Variants in UHMK1 observed in about 807,000 individuals in gnomAD.
UHMK1 encodes the protein U2AF homology motif kinase 1, also known as serine/threonine-protein kinase Kist.
In UHMK1, 18 loss-of-function variants were observed where a neutral mutation model predicts 44.0. The ratio of observed to expected loss-of-function variants is 0.41; its 90% CI spans 0.28 to 0.61. UHMK1 has a LOEUF of 0.61. Among genes scored for constraint, UHMK1 ranks in the 20% least tolerant of loss-of-function variants. The pLI is 0.31. For missense variants in UHMK1, 463 were observed against 522.5 expected, an observed-to-expected ratio of 0.89 and a Z score of 1.11; for synonymous variants, 231 against 198.5, an observed-to-expected ratio of 1.16 and a Z score of -1.38.
chr1:162,522,738 C>G lies in UHMK1; in HGVS notation c.*188C>G. The stretch of plus-strand genomic sequence containing the variant: ...CATTTGGCACTGAGTAGGACAAGAC[C>G]TCTCAGCTATACATTGAGGGGTTTT... On this transcript the variant is annotated 3_prime_UTR_variant, in exon 8 of 8. Transcript: ENST00000489294. 1 of 603,090 alleles carries G rather than the reference C, an allele frequency of 1.7e-6. No homozygotes were observed. The highest frequency in any genetic ancestry group is 2.7e-6 in the Non-Finnish European group (1 of 364,580). The allele number at this position is 603,090 out of a possible 1,614,324, so 37.4% of individuals were successfully genotyped here.
chr1:162,519,480 A>G (rs1344591415), intron 7 of UHMK1, among the ~76,000 whole-genome samples: 1 of 152,092 alleles, frequency 6.6e-6, no homozygotes, highest in East Asian at 1.9e-4. Flanking sequence ...TAAAGAAGGA[A>G]AGTGTGCTGG....
At chr1:162,502,786 A>G (rs893483444) in intron 3 of UHMK1, among the ~76,000 whole-genome samples, 1 of 152,206 alleles carries the variant, frequency 6.6e-6, no homozygotes, top group Non-Finnish European at 1.5e-5. Flanking sequence ...CAAAGCTCTT[A>G]CTAAGTTATT....
At chr1:162,512,633 C>T (rs1571013369) in intron 5 of UHMK1, 57 bp downstream of exon 5, 2 of 1,600,260 alleles carry the variant, frequency 1.2e-6, no homozygotes, top group East Asian at 4.5e-5. Flanking sequence ...TACAAGACAT[C>T]AGCACTAATT....
At position 162,500,078 on chromosome 1, in the gene UHMK1, C is replaced by G. The variant is rs778270680; in HGVS notation, c.392C>G (p.Ser131Cys). 6.2e-7 allele frequency: 1 copy of G among 1,614,138 alleles called. No homozygotes were observed. Among genetic ancestry groups the G allele is most frequent in the Non-Finnish European group, 8.5e-7 (1 of 1,180,032 alleles). Residue 131 changes from serine to cysteine, a missense_variant, in exon 2 of 8, where the codon TCC (serine) becomes TGC (cysteine). Physicochemically the swap from Ser to Cys is moderately radical, Grantham distance 112. Coordinates refer to ENST00000489294, the MANE Select transcript of UHMK1 (RefSeq NM_175866.5). ...TTATATTCCAGTCACCAGGGTTGTTCCATGTGGATGATACAGCATTGTGCC... is the reference window on the plus strand; with the variant it reads ...TTATATTCCAGTCACCAGGGTTGTTGCATGTGGATGATACAGCATTGTGCC... ...LLLYSSHQGC[S>C]MWMIQHCARD...
chr1:162,528,760 CTTAA>C lies in UHMK1; in HGVS notation c.*6213_*6216del, dbSNP rs773740396. 4.6e-5 allele frequency: 7 copies of C among 152,104 alleles called. No individual in the cohort carries two copies. The highest frequency in any genetic ancestry group is 1.9e-4 in the East Asian group (1 of 5,202). 9.4% of individuals were successfully genotyped at this position (152,104 alleles called of 1,614,324 possible). A position where few individuals can be genotyped will look rare whatever the true frequency, so the allele number is the denominator to read the frequency against. On this transcript the variant is annotated 3_prime_UTR_variant, in exon 8 of 8. Transcript: ENST00000489294. ...TTCCAGCAGAATTTACTCTTCCATTCTTAATTCTTTTTTGAAATATCTTAAATAA... is the reference window on the plus strand; with the variant it reads ...TTCCAGCAGAATTTACTCTTCCATTCTTCTTTTTTGAAATATCTTAAATAA...
At chr1:162,521,943 T>C (rs149245304) in intron 7 of UHMK1, among the ~76,000 whole-genome samples, 391 of 152,316 alleles carry the variant, frequency 2.6e-3, no homozygotes, top group African/African-American at 8.8e-3. Context: ...TACTTCCTAA[T>C]AGGTGCAATT....
chr1:162,497,506 C>G (rs140005554), upstream of UHMK1, among the ~76,000 whole-genome samples: 1,230 of 152,218 alleles, frequency 8.1e-3, 30 homozygotes, highest in African/African-American at 0.028. Flanking sequence ...GGTAAACTCT[C>G]TTTTTGTTCC....
chr1:162,513,995 A>G (rs1651753334), intron 6 of UHMK1, among the ~76,000 whole-genome samples: 1 of 152,226 alleles, frequency 6.6e-6, no homozygotes, highest in South Asian at 2.1e-4. Context: ...TAGTAGGGAC[A>G]TTTTGGAAAC....
In UHMK1 at chr1:162,498,008, G is replaced by C; in HGVS notation, c.8G>C (p.Gly3Ala). The C allele has an allele frequency of 6.3e-7, 1 of 1,584,086 alleles. No individual in the cohort carries two copies. The highest frequency in any genetic ancestry group is 8.6e-7 in the Non-Finnish European group (1 of 1,163,306). Reference sequence around the variant, plus strand: ...TGCCCTTAACCCACACCGATGGCGGGATCCGGCTGCGCCTGGGGCGCGGAG... The same window carrying C: ...TGCCCTTAACCCACACCGATGGCGGCATCCGGCTGCGCCTGGGGCGCGGAG... MA[G>A]SGCAWGAEPP... The change falls in exon 1 of 8, where the codon GGA becomes GCA. Residue 3 changes from glycine to alanine, a missense_variant. Physicochemically the swap from Gly to Ala is moderately conservative, Grantham distance 60. Coordinates refer to ENST00000489294, the MANE Select transcript of UHMK1 (RefSeq NM_175866.5).
In UHMK1 at chr1:162,498,156, C is replaced by T; in HGVS notation, c.156C>T (p.Ala52=). The change falls in exon 1 of 8, where the codon GCC becomes GCT. Residue 52 remains alanine, a synonymous_variant. Coordinates refer to ENST00000489294, the MANE Select transcript of UHMK1 (RefSeq NM_175866.5). ...GCAACCCTGGCTCGCCCCCCGGCGC[C>T]CTCAAGCAGTTCTTGCCGCCAGGAA... ...CCGNPGSPPG[A]LKQFLPPGTT... 1 of 1,613,116 alleles carries T rather than the reference C, an allele frequency of 6.2e-7. No individual in the cohort carries two copies. The highest frequency in any genetic ancestry group is 8.5e-7 in the Non-Finnish European group (1 of 1,179,734).
intron 6 of UHMK1, among the ~76,000 whole-genome samples, chr1:162,517,562 C>G (rs946515200): frequency 1.3e-5 from 2 of 151,918 alleles, no homozygotes; most frequent in Non-Finnish European, 2.9e-5. Flanking sequence ...TTCATATTTG[C>G]TTGTATATAA....
In UHMK1 at chr1:162,500,962, T is replaced by G. The variant is rs1177532573; in HGVS notation, c.611T>G (p.Leu204Trp). 1 of 1,614,136 alleles carries G rather than the reference T, an allele frequency of 6.2e-7. No individual in the cohort carries two copies. Residue 204 changes from leucine (L) to tryptophan (W), a missense_variant, in exon 3 of 8, where the codon TTG becomes TGG. Transcript: ENST00000489294. ...TDGYRAPEAELQNCLAQAGLQ... is the reference protein window; with the variant it reads ...TDGYRAPEAEWQNCLAQAGLQ... ...GGGTATCGGGCTCCAGAAGCAGAATTGCAAAATTGCTTGGCCCAGGCTGGC... is the reference window on the plus strand; with the variant it reads ...GGGTATCGGGCTCCAGAAGCAGAATGGCAAAATTGCTTGGCCCAGGCTGGC...
At chr1:162,516,856 C>G (rs1385139067) in intron 6 of UHMK1, among the ~76,000 whole-genome samples, 1 of 152,152 alleles carries the variant, frequency 6.6e-6, no homozygotes, top group African/African-American at 2.4e-5. Context: ...TTTGATTATC[C>G]TCTTGTGGGT....
Position 162,497,942 on chromosome 1 carries a change from C to G in UHMK1, c.-59C>G. ...GCTGGCGGAGATGTGACCGCGGGCC[C>G]GGCCGGCCTGCCTCAGGCGTCGCGT... On this transcript the variant is annotated 5_prime_UTR_variant, in exon 1 of 8. Coordinates refer to ENST00000489294, the MANE Select transcript of UHMK1 (RefSeq NM_175866.5). 7.0e-7 allele frequency: 1 copy of G among 1,436,028 alleles called. No homozygotes were observed. Among genetic ancestry groups the G allele is most frequent in the Non-Finnish European group, 9.1e-7 (1 of 1,096,542 alleles). The allele number at this position is 1,436,028 out of a possible 1,614,324, so 89.0% of individuals were successfully genotyped here.
intron 6 of UHMK1, among the ~76,000 whole-genome samples, chr1:162,513,822 A>G (rs1651747566): frequency 6.6e-6 from 1 of 152,212 alleles, no homozygotes; most frequent in Non-Finnish European, 1.5e-5. Context: ...TATCCGAGAG[A>G]TAGTAACACC....
In UHMK1 at chr1:162,497,863, T is replaced by C; in HGVS notation, c.-138T>C. ...CTTCCGGTGTCATGGCTGCTTGAAG[T>C]CCCGGGAGTCGGTGAGGCGGCTGCA... On this transcript the variant is annotated 5_prime_UTR_variant, in exon 1 of 8. Transcript: ENST00000489294. The C allele has an allele frequency of 5.8e-6, 8 of 1,385,668 alleles. No homozygotes were observed. Among genetic ancestry groups the C allele is most frequent in the Non-Finnish European group, 7.4e-6 (8 of 1,075,612 alleles). The allele number at this position is 1,385,668 out of a possible 1,614,324, so 85.8% of individuals were successfully genotyped here.
upstream of UHMK1, among the ~76,000 whole-genome samples, chr1:162,497,597 T>C (rs970370123): frequency 6.6e-6 from 1 of 152,052 alleles, no homozygotes; most frequent in African/African-American, 2.4e-5. Context: ...TGAGGTAAGG[T>C]GAGGTGCCTC....
At chr1:162,501,159 C>A in intron 3 of UHMK1, 55 bp downstream of exon 3, 4 of 1,483,876 alleles carry the variant, frequency 2.7e-6, no homozygotes, top group South Asian at 1.2e-5. Flanking sequence ...TAAGAGTATT[C>A]AATTTATGAT....
chr1:162,500,337 G>T, intron 2 of UHMK1, 90 bp downstream of exon 2: 1 of 1,412,216 alleles, frequency 7.1e-7, no homozygotes, highest in Admixed American at 2.6e-5. Context: ...TTTAGTAGGG[G>T]CTTACAAGTC....
Sources: gnomAD v4.1 joint callset for allele counts (sites outside exome capture counted in the v4.1 genomes callset) on GRCh38, gnomAD v4.1.1 for gene constraint, MANE v1.5 for transcripts, NCBI Gene and HGNC (gene_info 2026-07-23, HGNC 2026-07-21) for gene names.